Variants in RBFOX1 observed in about 807,000 individuals in gnomAD.
RBFOX1 encodes the protein RNA binding fox-1 homolog 1.
In RBFOX1, 8 loss-of-function variants were observed where a neutral mutation model predicts 57.7. The observed-to-expected ratio is 0.14, with a 90% CI of 0.08 to 0.25. The LOEUF is 0.25. RBFOX1 is among the 10% of genes least tolerant of loss of function. RBFOX1 has a pLI of 1.00. For synonymous variants in RBFOX1, 326 were observed against 222.4 expected, an observed-to-expected ratio of 1.47 and a Z score of -4.15; for missense variants, 611 against 548.5, an observed-to-expected ratio of 1.11 and a Z score of -1.14.
At chr16:7,082,742 C>A (rs17559115) in intron 4 of RBFOX1, among the ~76,000 whole-genome samples, 17,649 of 152,072 alleles carry the variant, frequency 0.12, 1,226 homozygotes, top group Non-Finnish European at 0.15. Flanking sequence ...TAATGTATCA[C>A]AATGGCATTC....
intron 2 of RBFOX1, among the ~76,000 whole-genome samples, chr16:5,593,556 A>T (rs933779261): frequency 2.0e-5 from 3 of 152,068 alleles, no homozygotes; most frequent in African/African-American, 7.2e-5. Context: ...ACCCACCAAA[A>T]CCAAGATGGT....
chr16:5,890,338 G>T (rs146347345), intron 4 of RBFOX1, among the ~76,000 whole-genome samples: 1 of 152,176 alleles, frequency 6.6e-6, no homozygotes, highest in Non-Finnish European at 1.5e-5. Context: ...AGTGAAGCTA[G>T]CGATAATTTC....
chr16:5,780,856 G>C (rs1244455815), intron 3 of RBFOX1, among the ~76,000 whole-genome samples: 1 of 152,150 alleles, frequency 6.6e-6, no homozygotes, highest in Non-Finnish European at 1.5e-5. Context: ...AAACTGGTAG[G>C]TGCCATCGCT....
chr16:5,445,828 TA>T (rs1485787281), intron 1 of RBFOX1, among the ~76,000 whole-genome samples: 2 of 152,250 alleles, frequency 1.3e-5, no homozygotes, highest in African/African-American at 2.4e-5. Flanking sequence ...AAATCGCTTT[TA>T]AACAAGCGAA....
intron 2 of RBFOX1, among the ~76,000 whole-genome samples, chr16:6,578,967 C>G (rs2097490701): frequency 6.6e-6 from 1 of 151,814 alleles, no homozygotes; most frequent in Admixed American, 6.6e-5. Flanking sequence ...ATGGGTGTAC[C>G]AAACTGTCGG....
At chr16:6,745,352 C>T (rs185709072) in intron 3 of RBFOX1, among the ~76,000 whole-genome samples, 39 of 151,636 alleles carry the variant, frequency 2.6e-4, no homozygotes, top group Admixed American at 1.3e-3. Context: ...AAGAAAAAAC[C>T]CCCGAAACCA....
At chr16:6,961,235 C>A (rs1245203090) in intron 3 of RBFOX1, among the ~76,000 whole-genome samples, 7 of 151,986 alleles carry the variant, frequency 4.6e-5, no homozygotes, top group African/African-American at 1.7e-4. Flanking sequence ...TGTCCCTGAG[C>A]TGCTGATGGC....
chr16:5,732,704 A>G (rs986949010), intron 3 of RBFOX1, among the ~76,000 whole-genome samples: 4 of 151,984 alleles, frequency 2.6e-5, no homozygotes, highest in African/African-American at 7.3e-5. Context: ...TCCATTTTTC[A>G]CCCATTTACT....
intron 2 of RBFOX1, among the ~76,000 whole-genome samples, chr16:5,502,495 C>A (rs181207423): frequency 5.3e-5 from 8 of 152,310 alleles, no homozygotes; most frequent in Admixed American, 4.6e-4. Context: ...AAGCCCCCTG[C>A]TCTGCTTCTC....
chr16:6,680,841 CATGA>C (rs1305175755), intron 3 of RBFOX1, among the ~76,000 whole-genome samples: 1 of 152,172 alleles, frequency 6.6e-6, no homozygotes, highest in Non-Finnish European at 1.5e-5. Flanking sequence ...TTGGTTAAAA[CATGA>C]ATGAAGTACC....
chr16:5,779,206 G>T (rs1372162500), intron 3 of RBFOX1, among the ~76,000 whole-genome samples: 1 of 152,190 alleles, frequency 6.6e-6, no homozygotes, highest in East Asian at 1.9e-4. Context: ...CCCTCACGTC[G>T]TGTGCAGACC....
chr16:5,796,114 A>G (rs2054869470), intron 3 of RBFOX1, among the ~76,000 whole-genome samples: 1 of 152,122 alleles, frequency 6.6e-6, no homozygotes, highest in Admixed American at 6.5e-5. Context: ...GCATGGTTGA[A>G]TTTTGGTGAG....
Position 6,976,059 on chromosome 16 carries a change from G to A in RBFOX1, c.-15-75998G>A, listed in dbSNP as rs1040241634. Among the ~76,000 whole-genome samples the A allele has an allele frequency of 3.7e-4, 57 of 152,146 alleles. 1 individual carries two copies. Among genetic ancestry groups the A allele is most frequent in the African/African-American group, 1.3e-3 (53 of 41,434 alleles). ...AGTGAATTGCTTGAACCCAGTAGGT[G>A]GAGGTTTCAATGAGCCAAGATCGTC... On this transcript the variant is annotated intron_variant, in intron 3 of 15. Transcript: ENST00000550418.
At chr16:7,200,415 G>T (rs1339524276) in intron 4 of RBFOX1, among the ~76,000 whole-genome samples, 1 of 152,156 alleles carries the variant, frequency 6.6e-6, no homozygotes, top group African/African-American at 2.4e-5. Flanking sequence ...CCACAACTGT[G>T]CTCTCTCCAT....
chr16:5,331,690 C>T (rs898137899), intron 1 of RBFOX1, among the ~76,000 whole-genome samples: 3 of 152,250 alleles, frequency 2.0e-5, no homozygotes, highest in African/African-American at 7.2e-5. Context: ...AGTCACATGG[C>T]CAGAGGGTAT....
chr16:5,537,986 G>C (rs1009496461), intron 2 of RBFOX1, among the ~76,000 whole-genome samples: 4 of 152,134 alleles, frequency 2.6e-5, no homozygotes, highest in South Asian at 2.1e-4. Context: ...GTGACTCCCA[G>C]ATAATAAGGT....
intron 2 of RBFOX1, among the ~76,000 whole-genome samples, chr16:6,541,316 G>A (rs919971072): frequency 2.0e-5 from 3 of 152,164 alleles, no homozygotes; most frequent in African/African-American, 7.2e-5. Flanking sequence ...GGTGACTCTG[G>A]CATTCATTCA....
chr16:7,624,551 C>T (rs1253182676), intron 10 of RBFOX1, among the ~76,000 whole-genome samples: 1 of 152,304 alleles, frequency 6.6e-6, no homozygotes, highest in Non-Finnish European at 1.5e-5. Flanking sequence ...CAGCACAGTG[C>T]CTGGCACATA....
chr16:7,708,996 A>G (rs1255640863), intron 14 of RBFOX1, 60 bp from the exon 15 acceptor site: 2 of 1,497,424 alleles, frequency 1.3e-6, no homozygotes, highest in South Asian at 1.1e-5. Flanking sequence ...GGATTTTATG[A>G]TTGTTATTGT....
Sources: gnomAD v4.1 joint callset for allele counts (sites outside exome capture counted in the v4.1 genomes callset) on GRCh38, gnomAD v4.1.1 for gene constraint, MANE v1.5 for transcripts, NCBI Gene and HGNC (gene_info 2026-07-23, HGNC 2026-07-21) for gene names.